NCKAP5: variants seen among roughly 807,000 people sequenced by gnomAD.
NCKAP5 encodes nck-associated protein 5.
NCKAP5 carries 92 observed loss-of-function variants against 167.0 expected under a neutral mutation model. The ratio of observed to expected loss-of-function variants is 0.55; its 90% CI spans 0.47 to 0.66. The LOEUF (loss-of-function observed/expected upper bound fraction) is 0.66. Ranked by LOEUF, NCKAP5 falls within the 30% of genes least tolerant of loss-of-function variation. The pLI is 0.00. For missense variants in NCKAP5, 2,378 were observed against 2,315.0 expected (o/e 1.03, Z -0.56); for synonymous variants, 891 against 877.4 (o/e 1.02, Z -0.27).
chr2:133,174,716 CT>C (rs879373642), intron 5 of NCKAP5, among the ~76,000 whole-genome samples: 19 of 126,356 alleles, frequency 1.5e-4, no homozygotes, highest in African/African-American at 3.4e-4. Flanking sequence ...TTTTTTTTTT[CT>C]CCCCCCTGCT....
chr2:133,148,594 A>G (rs1278381767), intron 5 of NCKAP5, among the ~76,000 whole-genome samples: 10 of 152,128 alleles, frequency 6.6e-5, no homozygotes, highest in Non-Finnish European at 1.5e-4. Context: ...GACTTAAAGA[A>G]CAGAACTTTA....
At chr2:132,718,442 G>A (rs1689582756) in intron 19 of NCKAP5, among the ~76,000 whole-genome samples, 1 of 152,190 alleles carries the variant, frequency 6.6e-6, no homozygotes, top group African/African-American at 2.4e-5. Flanking sequence ...CCCAATTTGG[G>A]ACAGAGACTA....
chr2:133,015,903 G>A (rs2078316958), intron 6 of NCKAP5, among the ~76,000 whole-genome samples: 1 of 152,156 alleles, frequency 6.6e-6, no homozygotes, highest in African/African-American at 2.4e-5. Flanking sequence ...CTGTTGTGGT[G>A]AAGCCTGGAA....
chr2:133,188,172 G>A (rs1559242381), intron 5 of NCKAP5, among the ~76,000 whole-genome samples: 1 of 151,842 alleles, frequency 6.6e-6, no homozygotes, highest in East Asian at 1.9e-4. Flanking sequence ...AGACCTGGTG[G>A]TGACAAAATC....
At chr2:132,776,326 T>C (rs1281464328) in intron 15 of NCKAP5, among the ~76,000 whole-genome samples, 1 of 151,766 alleles carries the variant, frequency 6.6e-6, no homozygotes, top group Non-Finnish European at 1.5e-5. Flanking sequence ...ACCTGTTCCG[T>C]GCCCCTTCTC....
intron 7 of NCKAP5, among the ~76,000 whole-genome samples, chr2:132,985,898 A>G (rs1289362008): frequency 1.3e-5 from 2 of 152,224 alleles, no homozygotes; most frequent in East Asian, 1.9e-4. Context: ...AAAATACTTT[A>G]TAACCTTATT....
intron 3 of NCKAP5, among the ~76,000 whole-genome samples, chr2:133,449,066 T>C (rs1691389961): frequency 6.6e-6 from 1 of 152,230 alleles, no homozygotes; most frequent in Non-Finnish European, 1.5e-5. Context: ...CCAAGCTTTT[T>C]GTATATTCCC....
At chr2:132,985,028 G>T (rs1305960876) in intron 7 of NCKAP5, among the ~76,000 whole-genome samples, 1 of 151,520 alleles carries the variant, frequency 6.6e-6, no homozygotes, top group Non-Finnish European at 1.5e-5. Flanking sequence ...ATAAAGGCTG[G>T]CTCTCTGCTG....
Position 132,692,301 on chromosome 2 carries a change from C to A in NCKAP5, c.5714-18996G>T, listed in dbSNP as rs1444143538. Among the ~76,000 whole-genome samples, 3 of 152,060 alleles carry A rather than the reference C, an allele frequency of 2.0e-5. No homozygotes were observed. In the East Asian group the frequency reaches 5.8e-4, roughly 29 times the overall value. ...GGGATTACAGGTGTCCACCACCATG[C>A]CCAGTTAATTTTGTTGTTGTTGTTG... On this transcript the variant is annotated intron_variant, in intron 19 of 19. Transcript: ENST00000409261.
chr2:132,983,416 C>T (rs1164592471), intron 7 of NCKAP5, among the ~76,000 whole-genome samples: 2 of 152,146 alleles, frequency 1.3e-5, no homozygotes, highest in South Asian at 4.2e-4. Context: ...CAGTTTTTGC[C>T]CTTTCAGTGA....
chr2:133,222,087 A>G (rs993216907), intron 4 of NCKAP5, among the ~76,000 whole-genome samples: 2 of 152,210 alleles, frequency 1.3e-5, no homozygotes, highest in African/African-American at 2.4e-5. Context: ...GAATCCCATG[A>G]GGTAGGTATT....
chr2:132,925,036 C>T (rs940869910), intron 8 of NCKAP5, among the ~76,000 whole-genome samples: 1 of 152,046 alleles, frequency 6.6e-6, no homozygotes, highest in Admixed American at 6.6e-5. Context: ...GTGCCTTAGA[C>T]ACAGTAGTGA....
chr2:133,098,898 T>C (rs1236109430), intron 6 of NCKAP5, among the ~76,000 whole-genome samples: 1 of 152,200 alleles, frequency 6.6e-6, no homozygotes, highest in Non-Finnish European at 1.5e-5. Context: ...AATTGGTGTT[T>C]AATTGTTTCT....
At chr2:133,418,418 C>G (rs1243170687) in intron 3 of NCKAP5, among the ~76,000 whole-genome samples, 1 of 152,164 alleles carries the variant, frequency 6.6e-6, no homozygotes, top group African/African-American at 2.4e-5. Context: ...GCACACTGTA[C>G]CCAAGTATGT....
chr2:132,857,126 G>T (rs933546150), intron 11 of NCKAP5, among the ~76,000 whole-genome samples: 1 of 152,062 alleles, frequency 6.6e-6, no homozygotes, highest in African/African-American at 2.4e-5. Context: ...TAGGGCCAAG[G>T]CTGCTTCTTT....
chr2:133,398,695 A>G (rs1387991315), intron 3 of NCKAP5, among the ~76,000 whole-genome samples: 2 of 152,166 alleles, frequency 1.3e-5, no homozygotes, highest in Admixed American at 6.5e-5. Context: ...AAATTATGTG[A>G]TATATCAACA....
intron 19 of NCKAP5, among the ~76,000 whole-genome samples, chr2:132,708,113 G>GGT (rs1178621251): frequency 6.6e-6 from 1 of 151,926 alleles, no homozygotes; most frequent in Non-Finnish European, 1.5e-5. Context: ...ACTAGCTTCA[G>GGT]GTGTGACCCA....
intron 6 of NCKAP5, among the ~76,000 whole-genome samples, chr2:133,072,153 C>T (rs1241340341): frequency 6.6e-5 from 10 of 151,220 alleles, no homozygotes; most frequent in South Asian, 2.1e-4. Flanking sequence ...GGCATGATCT[C>T]GGCTCACTAC....
intron 19 of NCKAP5, among the ~76,000 whole-genome samples, chr2:132,704,156 C>T (rs1688134395): frequency 6.6e-6 from 1 of 152,074 alleles, no homozygotes; most frequent in Non-Finnish European, 1.5e-5. Context: ...TTTGATTTCC[C>T]TTGGGGAAGT....
Sources: allele counts gnomAD v4.1 joint callset (sites outside exome capture counted in the v4.1 genomes callset), GRCh38; gene constraint gnomAD v4.1.1; transcripts MANE v1.5; gene names NCBI Gene and HGNC (gene_info 2026-07-23, HGNC 2026-07-21).